Variants in GMDS observed in about 807,000 individuals in gnomAD.
GMDS encodes the protein GDP-mannose 4,6 dehydratase.
Under a neutral mutation model 49.9 loss-of-function variants are expected in GMDS, and 20 were observed. The observed-to-expected ratio is 0.40, with a 90% CI of 0.28 to 0.58. The LOEUF is 0.58. GMDS is among the 20% of genes least tolerant of loss of function. The probability of loss-of-function intolerance (pLI) is 0.42; values close to 1 mark genes in which losing one functional copy is unlikely to be tolerated. For synonymous variants in GMDS, 177 were observed against 178.6 expected (o/e 0.99, Z 0.07); for missense variants, 362 against 481.4 (o/e 0.75, Z 2.32).
intron 7 of GMDS, among the ~76,000 whole-genome samples, chr6:1,835,868 ATTTTT>A (rs1231953188): frequency 2.0e-5 from 3 of 149,956 alleles, no homozygotes; most frequent in East Asian, 1.9e-4. Context: ...ATTTTATTTT[ATTTTT>A]TATTTATTTT....
chr6:1,872,345 G>A (rs1232029770), intron 7 of GMDS, among the ~76,000 whole-genome samples: 1 of 152,202 alleles, frequency 6.6e-6, no homozygotes, highest in African/African-American at 2.4e-5. Context: ...TTTTGCCTAT[G>A]ACTTGCATGA....
intron 7 of GMDS, among the ~76,000 whole-genome samples, chr6:1,835,330 C>CTCT (rs1350283467): frequency 1.3e-5 from 2 of 152,176 alleles, no homozygotes; most frequent in Non-Finnish European, 2.9e-5. Context: ...CATTCTGTGT[C>CTCT]TCTAGAAGAG....
chr6:1,947,636 A>G (rs765658527), intron 6 of GMDS, among the ~76,000 whole-genome samples: 3 of 152,218 alleles, frequency 2.0e-5, no homozygotes, highest in Non-Finnish European at 4.4e-5. Flanking sequence ...ACCAACAGAA[A>G]TAGAAGGCAG....
intron 8 of GMDS, among the ~76,000 whole-genome samples, chr6:1,727,534 A>G (rs1766640215): frequency 6.6e-6 from 1 of 152,096 alleles, no homozygotes; most frequent in Non-Finnish European, 1.5e-5. Flanking sequence ...CTATGGACAC[A>G]GGACAATTCT....
chr6:2,219,238 C>A lies in GMDS; in HGVS notation c.102+26083G>T, dbSNP rs183660931. Among the ~76,000 whole-genome samples the A allele has an allele frequency of 2.8e-3, 431 of 152,216 alleles. 1 individual carries two copies. Among genetic ancestry groups the A allele is most frequent in the Non-Finnish European group, 5.0e-3 (337 of 68,016 alleles). ...TTAAATTAGCTGAATATATTACCTA[C>A]CCAGAAGATAAATAAAAATTTGGAA... On this transcript the variant is annotated intron_variant, in intron 1 of 10. Coordinates refer to ENST00000380815, the MANE Select transcript of GMDS (RefSeq NM_001500.4).
chr6:2,112,977 T>C (rs183153040), intron 4 of GMDS, among the ~76,000 whole-genome samples: 41 of 152,308 alleles, frequency 2.7e-4, no homozygotes, highest in Admixed American at 6.5e-4. Context: ...ACTTGGCATC[T>C]TTAAGACCTC....
intron 4 of GMDS, among the ~76,000 whole-genome samples, chr6:2,061,517 G>A (rs1217594081): frequency 6.6e-6 from 1 of 151,982 alleles, no homozygotes; most frequent in Non-Finnish European, 1.5e-5. Context: ...AGGACTTGGA[G>A]ACCAACTTGG....
intron 4 of GMDS, among the ~76,000 whole-genome samples, chr6:2,038,671 G>A (rs963687842): frequency 1.3e-5 from 2 of 151,934 alleles, no homozygotes; most frequent in East Asian, 1.9e-4. Flanking sequence ...AATTCCTCCC[G>A]AAATATGCTC....
intron 7 of GMDS, among the ~76,000 whole-genome samples, chr6:1,877,565 G>A (rs1009431455): frequency 2.0e-5 from 3 of 149,286 alleles, no homozygotes; most frequent in African/African-American, 7.5e-5. Flanking sequence ...TTGAGCCCAG[G>A]AATTTGAGGC....
rs761030409 is a variant in GMDS at position 2,245,397 on chromosome 6, G to A, written c.26C>T (p.Pro9Leu). The stretch of plus-strand genomic sequence containing the variant: ...GCCGTCCCCGGAGCCCCGGGCGCTG[G>A]GGCAGCGTGCCGGTGCGTGTGCCAT... MAHAPARC[P>L]SARGSGDGEM... The change falls in exon 1 of 11, where the codon CCC becomes CTC. Residue 9 changes from proline to leucine, a missense_variant. Physicochemically the swap from Pro to Leu is moderately conservative, Grantham distance 98. Coordinates refer to ENST00000380815, the MANE Select transcript of GMDS (RefSeq NM_001500.4). The A allele has an allele frequency of 7.2e-6, 11 of 1,537,068 alleles. No homozygotes were observed. In the Admixed American group the frequency reaches 2.1e-4, roughly 30 times the overall value.
intron 6 of GMDS, among the ~76,000 whole-genome samples, chr6:1,949,521 G>T (rs1174948817): frequency 6.6e-6 from 1 of 152,178 alleles, no homozygotes; most frequent in East Asian, 1.9e-4. Context: ...GGAGATGGGA[G>T]GGATTTCATT....
chr6:1,812,176 A>C (rs1770458080), intron 7 of GMDS, among the ~76,000 whole-genome samples: 1 of 152,222 alleles, frequency 6.6e-6, no homozygotes, highest in Non-Finnish European at 1.5e-5. Context: ...ATTTTAGAGG[A>C]GGACCTTATA....
chr6:1,821,617 T>G (rs1174953041), intron 7 of GMDS, among the ~76,000 whole-genome samples: 1 of 40,344 alleles, frequency 2.5e-5, no homozygotes, highest in East Asian at 5.9e-4. Context: ...ATTTGTTTTT[T>G]TTTTTTTTTT....
chr6:1,827,366 TATACACACGTTTTGGA>T (rs1771171932), intron 7 of GMDS, among the ~76,000 whole-genome samples: 2 of 88,684 alleles, frequency 2.3e-5, no homozygotes, highest in Non-Finnish European at 4.2e-5. Context: ...AAAACCTGTA[TATACACACGTTTTGGA>T]AAACCTGTAT....
intron 7 of GMDS, among the ~76,000 whole-genome samples, chr6:1,915,628 T>C (rs1581355210): frequency 6.6e-6 from 1 of 152,298 alleles, no homozygotes; most frequent in East Asian, 1.9e-4. Context: ...CTGGCAGCCA[T>C]GTGGGAGGCA....
At chr6:1,857,024 G>A (rs187335735) in intron 7 of GMDS, among the ~76,000 whole-genome samples, 2 of 152,166 alleles carry the variant, frequency 1.3e-5, no homozygotes, top group African/African-American at 4.8e-5. Context: ...TCCCACATGC[G>A]AATAGATTTC....
chr6:1,976,568 C>G (rs887883038), intron 4 of GMDS, among the ~76,000 whole-genome samples: 2 of 152,104 alleles, frequency 1.3e-5, no homozygotes, highest in Non-Finnish European at 2.9e-5. Context: ...GTTTAAGCTT[C>G]TAATGGAGAA....
chr6:2,071,994 C>A (rs138851834), intron 4 of GMDS, among the ~76,000 whole-genome samples: 3 of 152,140 alleles, frequency 2.0e-5, no homozygotes, highest in Non-Finnish European at 4.4e-5. Context: ...TCTTTGCATT[C>A]GTAGAACAAT....
chr6:1,982,448 T>C (rs1765275021), intron 4 of GMDS, among the ~76,000 whole-genome samples: 1 of 152,192 alleles, frequency 6.6e-6, no homozygotes, highest in African/African-American at 2.4e-5. Context: ...AAACTATCTT[T>C]GTTTGCAGAT....
Sources: allele counts gnomAD v4.1 joint callset (sites outside exome capture counted in the v4.1 genomes callset), GRCh38; gene constraint gnomAD v4.1.1; transcripts MANE v1.5; gene names NCBI Gene and HGNC (gene_info 2026-07-23, HGNC 2026-07-21).